Variants in NCOA3 observed in about 807,000 individuals in gnomAD.
NCOA3 encodes the protein nuclear receptor coactivator 3.
Under a neutral mutation model 158.8 loss-of-function variants are expected in NCOA3, and 51 were observed. The ratio of observed to expected loss-of-function variants is 0.32; its 90% confidence interval spans 0.26 to 0.41. The LOEUF (loss-of-function observed/expected upper bound fraction) is 0.41, where lower values mean the gene tolerates loss of function less well. Among genes scored for constraint, NCOA3 ranks in the 10% least tolerant of loss-of-function variants. The pLI is 1.00. For missense variants in NCOA3, 1,510 were observed against 1,746.6 expected (o/e 0.86, Z 2.41); for synonymous variants, 537 against 592.4 (o/e 0.91, Z 1.36).
intron 20 of NCOA3, among the ~76,000 whole-genome samples, 175 bp downstream of exon 20, chr20:47,651,451 A>T (rs2086793549): frequency 1.3e-5 from 2 of 152,206 alleles, no homozygotes; most frequent in South Asian, 4.1e-4. Flanking sequence ...CACACAGGTA[A>T]TTGAGACAGG....
At chr20:47,546,826 C>T (rs376839809) in intron 1 of NCOA3, among the ~76,000 whole-genome samples, 10 of 152,112 alleles carry the variant, frequency 6.6e-5, no homozygotes, top group South Asian at 2.1e-4. Flanking sequence ...CCACCGCTAC[C>T]GGCCTGCCTC....
chr20:47,547,284 C>G (rs1451985084), intron 1 of NCOA3, among the ~76,000 whole-genome samples: 3 of 152,140 alleles, frequency 2.0e-5, no homozygotes, highest in African/African-American at 7.2e-5. Flanking sequence ...AAGCCCTTCT[C>G]TTACCCCATC....
In NCOA3 at chr20:47,575,086, A is replaced by C. The variant is rs1602425300; in HGVS notation, c.-98-8097A>C. On this transcript the variant is annotated intron_variant, in intron 1 of 22. Transcript: ENST00000371998. ...TCTGAGGGTTAATAATAATGCCATC[A>C]CCCATTCCCTTCCCCCAGCCTTATG... Among the ~76,000 whole-genome samples, 3 of 152,234 alleles carry C rather than the reference A, an allele frequency of 2.0e-5. No individual in the cohort carries two copies. In the East Asian group the frequency reaches 5.8e-4, roughly 29 times the overall value.
At chr20:47,564,189 T>G (rs897869492) in intron 1 of NCOA3, among the ~76,000 whole-genome samples, 5 of 152,018 alleles carry the variant, frequency 3.3e-5, no homozygotes, top group Non-Finnish European at 7.4e-5. Context: ...TTTCTCCGTT[T>G]TTTTCCCCAA....
At position 47,655,546 on chromosome 20, in the gene NCOA3, C is replaced by T. The variant is rs1043216868; in HGVS notation, c.*2129C>T. On this transcript the variant is annotated 3_prime_UTR_variant, in exon 23 of 23. Transcript: ENST00000371998. ...CAATTATGAGTTTGCCCTCTTTCCC[C>T]TACCAAGTTCAAAATATATCTAAGA... The T allele has an allele frequency of 1.3e-5, 2 of 152,544 alleles. No individual in the cohort carries two copies. Among genetic ancestry groups the T allele is most frequent in the African/African-American group, 4.8e-5 (2 of 41,420 alleles). The allele number at this position is 152,544 out of a possible 1,614,324, so 9.4% of individuals were successfully genotyped here. A position where few individuals can be genotyped will look rare whatever the true frequency, so the allele number is the denominator to read the frequency against.
rs72645242 is a variant in NCOA3, at chr20:47,622,555, A to G, written c.83+225A>G. Reference sequence around the variant, plus strand: ...TAGAATATTAACAATTCGCGGTACTATAAGAATTTCTGAATGGAAGGAGGG... The same window carrying G: ...TAGAATATTAACAATTCGCGGTACTGTAAGAATTTCTGAATGGAAGGAGGG... On this transcript the variant is annotated intron_variant, in intron 3 of 22. Transcript: ENST00000371998. Among the ~76,000 whole-genome samples, 447 of 152,232 alleles carry G rather than the reference A, an allele frequency of 2.9e-3. 7 individuals carry two copies. Among genetic ancestry groups the G allele is most frequent in the Admixed American group, 0.025 (380 of 15,278 alleles).
At chr20:47,600,170 A>T (rs557406749) in intron 2 of NCOA3, among the ~76,000 whole-genome samples, 1,411 of 135,538 alleles carry the variant, frequency 0.01, 7 homozygotes, top group South Asian at 0.022. Flanking sequence ...ATATATATAT[A>T]TTTTTTTATT....
intron 2 of NCOA3, 118 bp downstream of exon 2, chr20:47,583,379 C>G (rs2085483951): frequency 2.6e-6 from 1 of 390,152 alleles, no homozygotes; most frequent in South Asian, 1.4e-4. Context: ...TCATGTTTTT[C>G]TCTTTAATGA....
chr20:47,564,868 T>C (rs919404088), intron 1 of NCOA3, among the ~76,000 whole-genome samples: 1 of 152,240 alleles, frequency 6.6e-6, no homozygotes, highest in African/African-American at 2.4e-5. Context: ...TTTTCTTGTC[T>C]GTTTTTCTTA....
intron 1 of NCOA3, among the ~76,000 whole-genome samples, chr20:47,507,376 GGGCAGT>G: frequency 6.6e-6 from 1 of 152,200 alleles, no homozygotes; most frequent in Non-Finnish European, 1.5e-5. Flanking sequence ...ATGTTGAGCT[GGGCAGT>G]GGCAGAGCAT....
chr20:47,636,110 G>T lies in NCOA3; in HGVS notation c.1724G>T (p.Cys575Phe). The change falls in exon 12 of 23, where the codon TGC (cysteine) becomes TTC (phenylalanine). Residue 575 changes from cysteine (C) to phenylalanine (F), a missense_variant. Transcript: ENST00000371998. ...QDSKSPLGFY[C>F]DQNPVESSMC... is the part of the protein sequence containing the mutation. ...TCCAAGAGTCCTCTGGGCTTTTATT[G>T]CGACCAAAATCCAGTGGAGAGTTCA... 1 of 1,614,144 alleles carries T rather than the reference G, an allele frequency of 6.2e-7. No individual in the cohort carries two copies. The highest frequency in any genetic ancestry group is 8.5e-7 in the Non-Finnish European group (1 of 1,180,040).
chr20:47,606,347 C>G (rs561929592), intron 2 of NCOA3, among the ~76,000 whole-genome samples: 1 of 152,168 alleles, frequency 6.6e-6, no homozygotes, highest in Non-Finnish European at 1.5e-5. Flanking sequence ...ATTTTCATCC[C>G]GTTGGTGTTT....
intron 2 of NCOA3, among the ~76,000 whole-genome samples, chr20:47,603,035 A>C (rs1208126411): frequency 6.6e-6 from 1 of 152,206 alleles, no homozygotes; most frequent in African/African-American, 2.4e-5. Context: ...TTGTAACCCA[A>C]ATGCCTTTCC....
At chr20:47,638,303 G>A (rs543285292) in intron 13 of NCOA3, among the ~76,000 whole-genome samples, 10 of 152,270 alleles carry the variant, frequency 6.6e-5, no homozygotes, top group Admixed American at 2.6e-4. Flanking sequence ...CCAGCTACTC[G>A]GGAGGCTAAG....
In NCOA3 at chr20:47,639,804, C is replaced by T; in HGVS notation, c.2935C>T (p.Gln979Ter). 1 of 1,614,192 alleles carries T rather than the reference C, an allele frequency of 6.2e-7. No homozygotes were observed. The highest frequency in any genetic ancestry group is 8.5e-7 in the Non-Finnish European group (1 of 1,180,010). Residue 979 changes from glutamine (Q) to a stop codon, truncating the protein, a stop_gained, in exon 15 of 23, where the codon CAG becomes TAG. Transcript: ENST00000371998. LOFTEE classifies it high-confidence loss of function. ...TGCGAGACCAGTATTGCAACAGCAG[C>T]AGCAGATGCTTCAAATGAGTAAGTG... ...PGARPVLQQQ[Q>*]QMLQMRPGEI...
intron 1 of NCOA3, among the ~76,000 whole-genome samples, chr20:47,560,723 AGTT>A (rs1294343877): frequency 6.6e-6 from 1 of 151,910 alleles, no homozygotes; most frequent in African/African-American, 2.4e-5. Context: ...TCTTTTAACT[AGTT>A]TCTTGTGTTA....
intron 1 of NCOA3, among the ~76,000 whole-genome samples, chr20:47,580,511 A>C (rs554145806): frequency 4.6e-5 from 7 of 152,138 alleles, no homozygotes; most frequent in African/African-American, 1.7e-4. Context: ...AGCCGAGATC[A>C]TGCCCCACTG....
chr20:47,593,884 A>G (rs1252763324), intron 2 of NCOA3, among the ~76,000 whole-genome samples: 1 of 152,180 alleles, frequency 6.6e-6, no homozygotes, highest in Non-Finnish European at 1.5e-5. Flanking sequence ...TCTTAGTTGT[A>G]GTAACCGTAT....
At chr20:47,590,980 G>T (rs2085624607) in intron 2 of NCOA3, among the ~76,000 whole-genome samples, 1 of 151,354 alleles carries the variant, frequency 6.6e-6, no homozygotes, top group Admixed American at 6.6e-5. Flanking sequence ...GTGGTGATGG[G>T]TGCCTGTAAT....
Sources: gnomAD v4.1 joint callset for allele counts (sites outside exome capture counted in the v4.1 genomes callset) on GRCh38, gnomAD v4.1.1 for gene constraint, MANE v1.5 for transcripts, NCBI Gene and HGNC (gene_info 2026-07-23, HGNC 2026-07-21) for gene names.